Variants in SEMA3A observed in about 807,000 individuals in gnomAD.
The protein encoded by SEMA3A is semaphorin 3A.
SEMA3A carries 29 observed loss-of-function variants against 97.9 expected under a neutral mutation model. The ratio of observed to expected loss-of-function variants is 0.30; its 90% CI spans 0.22 to 0.40. The LOEUF is 0.40. Ranked by LOEUF, SEMA3A falls within the 10% of genes least tolerant of loss-of-function variation. SEMA3A has a pLI of 1.00. For missense variants in SEMA3A, 763 were observed against 951.3 expected (o/e 0.80, Z 2.60); for synonymous variants, 321 against 323.7 (o/e 0.99, Z 0.09).
At chr7:84,411,496 A>T (rs558680851) in intron 1 of SEMA3A, among the ~76,000 whole-genome samples, 1 of 151,864 alleles carries the variant, frequency 6.6e-6, no homozygotes, top group South Asian at 2.1e-4. Flanking sequence ...TTTGTATTAA[A>T]CCTATTTCAA....
intron 2 of SEMA3A, among the ~76,000 whole-genome samples, chr7:84,327,063 C>A (rs1801791376): frequency 6.6e-6 from 1 of 151,778 alleles, no homozygotes; most frequent in Non-Finnish European, 1.5e-5. Context: ...AGGCACCTAA[C>A]AAAAGTCTAA....
chr7:84,166,768 A>G (rs12154926), intron 1 of SEMA3A, among the ~76,000 whole-genome samples: 68,122 of 148,816 alleles, frequency 0.46, 15,816 homozygotes, highest in Middle Eastern at 0.53. Flanking sequence ...CCAGCTACTC[A>G]GGAGGCTGAG....
intron 1 of SEMA3A, among the ~76,000 whole-genome samples, chr7:84,443,330 C>A (rs911407066): frequency 7.2e-5 from 11 of 152,286 alleles, no homozygotes; most frequent in Admixed American, 7.2e-4. Flanking sequence ...TAAAAATATA[C>A]ACTTTATTTC....
chr7:84,153,047 T>C (rs117746791), intron 1 of SEMA3A, among the ~76,000 whole-genome samples: 2,390 of 152,256 alleles, frequency 0.016, 44 homozygotes, highest in Non-Finnish European at 0.018. Context: ...TAAAAGTTCA[T>C]AGCTGAGTTT....
At chr7:83,979,843 G>A (rs1789320249) in intron 14 of SEMA3A, among the ~76,000 whole-genome samples, 1 of 152,192 alleles carries the variant, frequency 6.6e-6, no homozygotes, top group Admixed American at 6.5e-5. Flanking sequence ...GTAATCAAGA[G>A]ATTTAAGTAG....
At chr7:84,425,147 T>G (rs1247664896) in intron 1 of SEMA3A, among the ~76,000 whole-genome samples, 4 of 111,006 alleles carry the variant, frequency 3.6e-5, no homozygotes, top group African/African-American at 3.7e-5. Flanking sequence ...ATATTATATA[T>G]ATTTATATAT....
rs1360099580 is a variant in SEMA3A, at chr7:84,446,993, G to A, written c.-246+45467C>T. Reference sequence around the variant, plus strand: ...GGCATCCCCGCACTCTCAAGGCCTGGGAAAACCCCTGCTCCTGCAGGCTTG... The same window carrying A: ...GGCATCCCCGCACTCTCAAGGCCTGAGAAAACCCCTGCTCCTGCAGGCTTG... On this transcript the variant is annotated intron_variant, in intron 1 of 3. Transcript: ENST00000424555. Among the ~76,000 whole-genome samples, 14 of 152,180 alleles carry A rather than the reference G, an allele frequency of 9.2e-5. 1 individual carries two copies. Among genetic ancestry groups the A allele is most frequent in the Admixed American group, 9.2e-4 (14 of 15,272 alleles).
Position 84,072,836 on chromosome 7 carries a change from G to A in SEMA3A, c.454-12278C>T, listed in dbSNP as rs139039962. 6.2e-3 allele frequency among the ~76,000 whole-genome samples: 940 copies of A among 152,128 alleles called. 12 individuals are homozygous for A. Among genetic ancestry groups the A allele is most frequent in the African/African-American group, 0.021 (887 of 41,538 alleles). Reference sequence around the variant, plus strand: ...TGTTAACATTGCCTTAAAACTTCATGTATATATTATTTCACTTAATCTTCA... The same window carrying A: ...TGTTAACATTGCCTTAAAACTTCATATATATATTATTTCACTTAATCTTCA... On this transcript the variant is annotated intron_variant, in intron 4 of 16. Transcript: ENST00000265362.
chr7:84,136,052 C>A (rs1215826939), intron 1 of SEMA3A, among the ~76,000 whole-genome samples: 2 of 152,118 alleles, frequency 1.3e-5, no homozygotes, highest in Non-Finnish European at 2.9e-5. Flanking sequence ...TTGCTCAATG[C>A]ACGCACACAT....
chr7:84,349,237 T>C (rs748384105), intron 2 of SEMA3A, among the ~76,000 whole-genome samples: 2 of 152,264 alleles, frequency 1.3e-5, no homozygotes, highest in South Asian at 4.2e-4. Context: ...TACACCTCCA[T>C]GTACGTTATG....
chr7:84,158,060 C>A (rs1201707977), intron 1 of SEMA3A, among the ~76,000 whole-genome samples: 1 of 151,290 alleles, frequency 6.6e-6, no homozygotes, highest in African/African-American at 2.4e-5. Context: ...TTAGCTGATG[C>A]TATAACTTGG....
intron 4 of SEMA3A, among the ~76,000 whole-genome samples, chr7:84,096,850 C>T (rs1311843422): frequency 1.4e-5 from 2 of 145,494 alleles, no homozygotes; most frequent in Non-Finnish European, 3.1e-5. Context: ...ACATTTTTCC[C>T]ATTCTGTTAG....
chr7:84,176,983 T>A (rs2116223895), intron 1 of SEMA3A, among the ~76,000 whole-genome samples: 1 of 152,236 alleles, frequency 6.6e-6, no homozygotes, highest in South Asian at 2.1e-4. Flanking sequence ...GCTGTCAAGT[T>A]GCTTGGCAGT....
intron 3 of SEMA3A, among the ~76,000 whole-genome samples, chr7:84,281,767 A>G (rs1366958816): frequency 6.6e-6 from 1 of 152,114 alleles, no homozygotes; most frequent in Non-Finnish European, 1.5e-5. Context: ...TCTTATCTCA[A>G]TGTCTACAGC....
At chr7:84,192,455 G>A (rs1022328370) in intron 1 of SEMA3A, among the ~76,000 whole-genome samples, 6 of 151,856 alleles carry the variant, frequency 4.0e-5, no homozygotes, top group African/African-American at 1.4e-4. Flanking sequence ...TTATGTAGCT[G>A]TAAAGCAGTT....
intron 1 of SEMA3A, among the ~76,000 whole-genome samples, chr7:84,152,216 C>A: frequency 6.6e-6 from 1 of 151,450 alleles, no homozygotes; most frequent in African/African-American, 2.4e-5. Flanking sequence ...GACAATAAAT[C>A]ATGCTGCTAT....
intron 1 of SEMA3A, among the ~76,000 whole-genome samples, chr7:84,445,098 A>G (rs1029902903): frequency 9.9e-5 from 15 of 152,120 alleles, no homozygotes; most frequent in African/African-American, 3.4e-4. Context: ...TGATGCAAAT[A>G]AATTTTGAAA....
At chr7:84,191,513 A>C (rs1410931001) in intron 1 of SEMA3A, among the ~76,000 whole-genome samples, 1 of 151,816 alleles carries the variant, frequency 6.6e-6, no homozygotes, top group East Asian at 1.9e-4. Flanking sequence ...TGATTCATGC[A>C]GGTTTTTCTG....
At chr7:83,983,243 T>C (rs1789499396) in intron 13 of SEMA3A, among the ~76,000 whole-genome samples, 1 of 151,896 alleles carries the variant, frequency 6.6e-6, no homozygotes, top group African/African-American at 2.4e-5. Context: ...CTTTCTTTTC[T>C]TTCTCTTCTT....
Sources: allele counts gnomAD v4.1 joint callset (sites outside exome capture counted in the v4.1 genomes callset), GRCh38; gene constraint gnomAD v4.1.1; transcripts MANE v1.5; gene names NCBI Gene and HGNC (gene_info 2026-07-23, HGNC 2026-07-21).